The following DNAAF11 variants were observed in gnomAD, a reference collection of about 807,000 sequenced individuals.
DNAAF11 encodes the protein leucine rich repeat containing 6.
A neutral mutation model predicts 60.8 loss-of-function variants in DNAAF11; 45 were observed. The ratio of observed to expected loss-of-function variants is 0.74; its 90% confidence interval spans 0.58 to 0.95. The LOEUF (loss-of-function observed/expected upper bound fraction) is 0.95. DNAAF11 is among the 40% of genes least tolerant of loss of function. The pLI, the probability that DNAAF11 is intolerant of heterozygous loss-of-function variation, is 0.00. For synonymous variants in DNAAF11, 191 were observed against 183.5 expected (o/e 1.04, Z -0.33); for missense variants, 546 against 546.2 (o/e 1.00, Z 0.00).
intron 8 of DNAAF11, among the ~76,000 whole-genome samples, chr8:132,612,706 G>A (rs1016431333): frequency 6.6e-6 from 1 of 152,200 alleles, no homozygotes; most frequent in Admixed American, 6.5e-5. Context: ...CTGGCACATA[G>A]TAGGTATTCT....
chr8:132,593,748 C>T (rs187797726), intron 10 of DNAAF11, among the ~76,000 whole-genome samples: 1 of 151,892 alleles, frequency 6.6e-6, no homozygotes, highest in East Asian at 1.9e-4. Context: ...AAAAACAGAC[C>T]CTTCTTTATG....
At chr8:132,684,515 C>A in the DNAAF11 span, among the ~76,000 whole-genome samples, 19,937 of 152,080 alleles carry the variant, frequency 0.13, 1,402 homozygotes, top group East Asian at 0.24. Flanking sequence ...AAGCCCTCAC[C>A]CCCCACACTA....
At chr8:132,650,086 C>G (rs1427815213) in intron 3 of DNAAF11, among the ~76,000 whole-genome samples, 2 of 152,144 alleles carry the variant, frequency 1.3e-5, no homozygotes, top group Non-Finnish European at 2.9e-5. Context: ...TATTGCAGCA[C>G]TATTCACAAC....
chr8:132,599,893 C>CTA (rs980612649), intron 10 of DNAAF11, among the ~76,000 whole-genome samples: 5 of 151,568 alleles, frequency 3.3e-5, no homozygotes, highest in Admixed American at 1.3e-4. Flanking sequence ...CTCACCACTC[C>CTA]TTCAACATAG....
chr8:132,587,838 G>A (rs1816059312), intron 10 of DNAAF11, among the ~76,000 whole-genome samples: 1 of 152,138 alleles, frequency 6.6e-6, no homozygotes, highest in African/African-American at 2.4e-5. Context: ...AGTTGGGAGT[G>A]AACACAGAGG....
chr8:132,680,134 A>G (rs925886562), upstream of DNAAF11, among the ~76,000 whole-genome samples: 2 of 152,242 alleles, frequency 1.3e-5, no homozygotes, highest in African/African-American at 4.8e-5. Flanking sequence ...GTCACAGTCC[A>G]CTGACAGGGA....
At position 132,647,901 on chromosome 8, in the gene DNAAF11, T is replaced by C. The variant is rs565005020; in HGVS notation, c.256+8929A>G. Among the ~76,000 whole-genome samples the C allele has an allele frequency of 3.3e-4, 50 of 152,226 alleles. No homozygotes were observed. In the South Asian group the frequency reaches 6.8e-3, roughly 21 times the overall value. ...AAACCAAAAAAAGTCCAGGACCAGA[T>C]GGATTCACAGCCGAATTCTATCAGA... is the stretch of plus-strand genomic sequence containing the variant. On this transcript the variant is annotated intron_variant, in intron 3 of 11. Transcript: ENST00000620350.
At chr8:132,683,975 G>A in the DNAAF11 span, among the ~76,000 whole-genome samples, 1 of 152,184 alleles carries the variant, frequency 6.6e-6, no homozygotes, top group Non-Finnish European at 1.5e-5. Context: ...CATCCCCATG[G>A]CATCCTGGCC....
chr8:132,675,642 A>C (rs568393899), upstream of DNAAF11: 17 of 712,262 alleles, frequency 2.4e-5, no homozygotes, highest in East Asian at 3.9e-4. Flanking sequence ...GGACCAAAAC[A>C]AGCCGCGTTT....
the DNAAF11 span, chr8:132,687,707 G>A: frequency 2.2e-6 from 1 of 456,044 alleles, no homozygotes; most frequent in Non-Finnish European, 4.4e-6. Flanking sequence ...ACTTGCCCAA[G>A]GTAAGAGCTC....
chr8:132,575,718 G>A (rs1448229390), intron 11 of DNAAF11, among the ~76,000 whole-genome samples: 1 of 152,160 alleles, frequency 6.6e-6, no homozygotes, highest in African/African-American at 2.4e-5. Context: ...TGAGGAGGAA[G>A]AACATTCCAG....
chr8:132,674,097 CAGGAGGAGGAGGAGCAGGAGG>C (rs1563725713), intron 1 of DNAAF11, among the ~76,000 whole-genome samples: 17 of 37,256 alleles, frequency 4.6e-4, no homozygotes, highest in African/African-American at 9.0e-4. Flanking sequence ...GGAGGAGGAG[CAGGAGGAGGAGGAGCAGGAGG>C]AGGAGGAGGA....
chr8:132,623,892 C>G (rs1267363883), intron 6 of DNAAF11, among the ~76,000 whole-genome samples: 1 of 152,014 alleles, frequency 6.6e-6, no homozygotes, highest in East Asian at 1.9e-4. Context: ...TTCTTTTGTC[C>G]CTGCTTACAC....
intron 8 of DNAAF11, among the ~76,000 whole-genome samples, chr8:132,613,325 A>G (rs938086676): frequency 3.9e-5 from 6 of 152,232 alleles, no homozygotes; most frequent in Non-Finnish European, 8.8e-5. Flanking sequence ...TGGTACATCT[A>G]TGCAATGGAA....
intron 3 of DNAAF11, among the ~76,000 whole-genome samples, chr8:132,648,766 T>C (rs1263025870): frequency 6.6e-6 from 1 of 152,036 alleles, no homozygotes; most frequent in Non-Finnish European, 1.5e-5. Context: ...CACAATTGCT[T>C]CAAAGAGAAT....
the DNAAF11 span, among the ~76,000 whole-genome samples, chr8:132,700,009 T>C: frequency 1.3e-5 from 2 of 152,100 alleles, no homozygotes; most frequent in African/African-American, 4.8e-5. Flanking sequence ...TCTTGGAACT[T>C]GATAGATTGT....
chr8:132,585,706 A>G (rs546832120), intron 10 of DNAAF11, among the ~76,000 whole-genome samples: 17 of 152,236 alleles, frequency 1.1e-4, no homozygotes, highest in Non-Finnish European at 1.9e-4. Context: ...CTTCAATAGA[A>G]GGTGACTCAT....
intron 11 of DNAAF11, among the ~76,000 whole-genome samples, chr8:132,583,483 T>C (rs530023610): frequency 3.3e-5 from 5 of 152,248 alleles, no homozygotes; most frequent in South Asian, 2.1e-4. Context: ...TGACGAGACA[T>C]TGGGACCTGT....
intron 10 of DNAAF11, among the ~76,000 whole-genome samples, chr8:132,594,249 G>T (rs1249383654): frequency 6.6e-6 from 1 of 151,890 alleles, no homozygotes; most frequent in African/African-American, 2.4e-5. Flanking sequence ...CTGAATCAAG[G>T]TCTCTACTCT....
Sources: allele counts gnomAD v4.1 joint callset (sites outside exome capture counted in the v4.1 genomes callset), GRCh38; gene constraint gnomAD v4.1.1; transcripts MANE v1.5; gene names NCBI Gene and HGNC (gene_info 2026-07-23, HGNC 2026-07-21).